EVL: variants seen among roughly 807,000 people sequenced by gnomAD.
EVL encodes ena/VASP-like protein.
A neutral mutation model predicts 59.6 loss-of-function variants in EVL; 21 were observed. The ratio of observed to expected loss-of-function variants is 0.35; its 90% CI spans 0.25 to 0.51. The LOEUF (loss-of-function observed/expected upper bound fraction) is 0.51. Ranked by LOEUF, EVL falls within the 20% of genes least tolerant of loss-of-function variation. The pLI, the probability that EVL is intolerant of heterozygous loss-of-function variation, is 0.97. For missense variants in EVL, 462 were observed against 546.6 expected (o/e 0.85, Z 1.54); for synonymous variants, 198 against 203.5 (o/e 0.97, Z 0.23).
intron 2 of EVL, among the ~76,000 whole-genome samples, chr14:100,091,034 T>C (rs1211953232): frequency 6.6e-6 from 1 of 152,172 alleles, no homozygotes; most frequent in African/African-American, 2.4e-5. Flanking sequence ...TTTGGCATGG[T>C]CACTGGATAG....
chr14:100,006,019 C>G (rs866682904), intron 1 of EVL, among the ~76,000 whole-genome samples: 18 of 151,152 alleles, frequency 1.2e-4, no homozygotes, highest in South Asian at 4.2e-4. Flanking sequence ...TCCCCCCCCC[C>G]CCCCACACCG....
At chr14:100,015,950 A>G (rs1243630967) in intron 1 of EVL, among the ~76,000 whole-genome samples, 2 of 151,984 alleles carry the variant, frequency 1.3e-5, no homozygotes, top group Non-Finnish European at 2.9e-5. Flanking sequence ...CTGGTGGTGC[A>G]TGCCTGTAAT....
chr14:100,008,960 A>C (rs1267806714), intron 1 of EVL, among the ~76,000 whole-genome samples: 2 of 152,228 alleles, frequency 1.3e-5, no homozygotes, highest in Non-Finnish European at 2.9e-5. Context: ...AGGAAATCAG[A>C]AATAGAGAAG....
intron 3 of EVL, 162 bp downstream of exon 3, chr14:100,097,820 T>G (rs1595172847): frequency 5.1e-6 from 3 of 586,542 alleles, no homozygotes; most frequent in East Asian, 6.0e-5. Flanking sequence ...GATTTAGAGA[T>G]ATTAACAATT....
At chr14:100,043,809 T>C (rs1433250700) in intron 1 of EVL, among the ~76,000 whole-genome samples, 1 of 151,966 alleles carries the variant, frequency 6.6e-6, no homozygotes, top group Non-Finnish European at 1.5e-5. Context: ...AGATAGAGTC[T>C]TGCTGTGTTG....
chr14:100,024,940 C>G (rs1273577344), intron 1 of EVL, among the ~76,000 whole-genome samples: 2 of 152,070 alleles, frequency 1.3e-5, no homozygotes, highest in Admixed American at 6.6e-5. Flanking sequence ...CATCTCGTCT[C>G]TCATCCATCA....
intron 3 of EVL, among the ~76,000 whole-genome samples, chr14:100,119,909 G>A (rs866997291): frequency 1.3e-5 from 2 of 152,164 alleles, no homozygotes; most frequent in African/African-American, 2.4e-5. Flanking sequence ...GATGTGATCC[G>A]CAGACCATCG....
At chr14:100,012,237 A>C (rs914481074) in intron 1 of EVL, among the ~76,000 whole-genome samples, 2 of 152,218 alleles carry the variant, frequency 1.3e-5, no homozygotes, top group African/African-American at 2.4e-5. Context: ...TACCATTGCT[A>C]ACTATCATTT....
intron 1 of EVL, among the ~76,000 whole-genome samples, chr14:100,010,056 G>A (rs1368707215): frequency 6.6e-6 from 1 of 152,138 alleles, no homozygotes; most frequent in Non-Finnish European, 1.5e-5. Flanking sequence ...AAGGGTGCCT[G>A]GCTCTTAGTT....
chr14:100,069,842 A>T (rs2062011933), intron 1 of EVL, among the ~76,000 whole-genome samples: 1 of 152,228 alleles, frequency 6.6e-6, no homozygotes, highest in Non-Finnish European at 1.5e-5. Context: ...TCAGTGTTAT[A>T]CACCAACCAT....
chr14:100,046,171 A>G lies in EVL; in HGVS notation c.6-38516A>G, dbSNP rs545523923. Among the ~76,000 whole-genome samples the G allele has an allele frequency of 3.9e-3, 591 of 152,314 alleles. 2 individuals carry two copies. Among genetic ancestry groups the G allele is most frequent in the Middle Eastern group, 0.017 (5 of 294 alleles). ...TACTGAGTCAGCATCCCTAACAAGGAAATCCAAGATACTCCAATGAGCATT... is the reference window on the plus strand; with the variant it reads ...TACTGAGTCAGCATCCCTAACAAGGGAATCCAAGATACTCCAATGAGCATT... On this transcript the variant is annotated intron_variant, in intron 1 of 13. Coordinates refer to the EVL transcript ENST00000402714.
At position 100,098,488 on chromosome 14, in the gene EVL, A is replaced by G. The variant is rs12434239; in HGVS notation, c.358+830A>G. On this transcript the variant is annotated intron_variant, in intron 3 of 13. Transcript: ENST00000392920. ...AGGGCTTGCACAGTGAAAGGCCCCAAATACCTGGAAGACTTTGGGCTTGCT... is the reference window on the plus strand; with the variant it reads ...AGGGCTTGCACAGTGAAAGGCCCCAGATACCTGGAAGACTTTGGGCTTGCT... Among the ~76,000 whole-genome samples the G allele has an allele frequency of 4.5e-3, 684 of 152,348 alleles. 20 individuals carry two copies. The highest frequency in any genetic ancestry group is 0.036 in the Admixed American group (547 of 15,294).
intron 1 of EVL, among the ~76,000 whole-genome samples, chr14:100,004,585 A>G (rs2060966627): frequency 6.6e-6 from 1 of 151,998 alleles, no homozygotes; most frequent in Admixed American, 6.6e-5. Context: ...TCTTATTGTG[A>G]CTTACATACA....
intron 4 of EVL, among the ~76,000 whole-genome samples, chr14:100,124,688 G>A (rs953579530): frequency 2.0e-5 from 3 of 152,362 alleles, no homozygotes; most frequent in Non-Finnish European, 2.9e-5. Flanking sequence ...ACAAAAGGGC[G>A]TGAAGGAGTG....
chr14:99,986,290 CAAAAAAAAAAA>C (rs3072366), intron 1 of EVL, among the ~76,000 whole-genome samples: 1 of 78,482 alleles, frequency 1.3e-5, no homozygotes, highest in Non-Finnish European at 2.6e-5. Context: ...GACTCTGTCT[CAAAAAAAAAAA>C]AAAAAAAAAA....
intron 1 of EVL, among the ~76,000 whole-genome samples, chr14:100,042,836 T>C (rs890296716): frequency 9.9e-5 from 15 of 152,216 alleles, no homozygotes; most frequent in African/African-American, 3.6e-4. Flanking sequence ...TCTACTTTTA[T>C]ATACTCACCA....
At chr14:99,991,739 G>A (rs985568070) in intron 1 of EVL, among the ~76,000 whole-genome samples, 2 of 152,114 alleles carry the variant, frequency 1.3e-5, no homozygotes, top group Non-Finnish European at 1.5e-5. Context: ...TATGCTTGGG[G>A]CAAAGGGGAA....
chr14:100,020,022 CTA>C (rs2061093380), intron 1 of EVL, among the ~76,000 whole-genome samples: 1 of 152,162 alleles, frequency 6.6e-6, no homozygotes, highest in South Asian at 2.1e-4. Context: ...GAGTCTCTTG[CTA>C]TCTTTTGTTT....
Position 100,042,120 on chromosome 14 carries a change from G to C in EVL, c.6-42567G>C, listed in dbSNP as rs1187390523. 2.0e-5 allele frequency among the ~76,000 whole-genome samples: 3 copies of C among 152,094 alleles called. No homozygotes were observed. In the East Asian group the frequency reaches 5.8e-4, roughly 29 times the overall value. On this transcript the variant is annotated intron_variant, in intron 1 of 13. Transcript: ENST00000402714. ...ATATAATTTCAACAGTGTTACTATGGTAATATGAAAATTATTAATTAACTA... is the reference window on the plus strand; with the variant it reads ...ATATAATTTCAACAGTGTTACTATGCTAATATGAAAATTATTAATTAACTA...
Sources: allele counts gnomAD v4.1 joint callset (sites outside exome capture counted in the v4.1 genomes callset), GRCh38; gene constraint gnomAD v4.1.1; transcripts MANE v1.5; gene names NCBI Gene and HGNC (gene_info 2026-07-23, HGNC 2026-07-21).